DIAPH2: variants seen among roughly 807,000 people sequenced by gnomAD.
DIAPH2 encodes the protein protein diaphanous homolog 2.
In DIAPH2, 35 loss-of-function variants were observed where a neutral mutation model predicts 92.7. That is an observed-to-expected ratio of 0.38 (90% confidence interval 0.29 to 0.50). The LOEUF is 0.50. Among genes scored for constraint, DIAPH2 ranks in the 20% least tolerant of loss-of-function variants. The probability of loss-of-function intolerance (pLI) is 0.94; values close to 1 mark genes in which losing one functional copy is unlikely to be tolerated. For synonymous variants in DIAPH2, 301 were observed against 280.4 expected (o/e 1.07, Z -0.73); for missense variants, 701 against 819.5 (o/e 0.86, Z 1.77).
intron 25 of DIAPH2, among the ~76,000 whole-genome samples, chrX:97,411,353 T>C (rs2069870807): frequency 9.0e-6 from 1 of 111,690 alleles, no homozygotes; most frequent in Non-Finnish European, 1.9e-5. Context: ...AAACAAATGC[T>C]GAGAGATTGT....
chrX:97,294,267 C>T (rs771712363), intron 23 of DIAPH2, among the ~76,000 whole-genome samples: 8 of 111,908 alleles, frequency 7.1e-5, no homozygotes, highest in African/African-American at 9.7e-5. Flanking sequence ...CTGCCCAGTG[C>T]CAGCCTATCT....
chrX:97,542,855 G>A (rs1041623500), intron 26 of DIAPH2, among the ~76,000 whole-genome samples: 1 of 111,512 alleles, frequency 9.0e-6, no homozygotes, highest in Non-Finnish European at 1.9e-5. Context: ...AACGACAAGG[G>A]AGTGTTTTCT....
At chrX:96,830,917 C>T (rs993479766) in intron 4 of DIAPH2, among the ~76,000 whole-genome samples, 2 of 111,255 alleles carry the variant, frequency 1.8e-5, no homozygotes, top group Admixed American at 9.6e-5. Flanking sequence ...CCAGCAGTTC[C>T]AGTTCTTGGC....
intron 26 of DIAPH2, among the ~76,000 whole-genome samples, chrX:97,597,512 G>A (rs989401892): frequency 4.5e-5 from 5 of 111,477 alleles, no homozygotes; most frequent in Admixed American, 9.5e-5. Context: ...AAGTGTGGAT[G>A]CCTGTTGACC....
chrX:96,776,909 ATTG>A (rs1182510334), intron 4 of DIAPH2, among the ~76,000 whole-genome samples: 2 of 111,905 alleles, frequency 1.8e-5, no homozygotes, highest in African/African-American at 6.5e-5. Context: ...TACATAAACT[ATTG>A]TTAGTAATTT....
chrX:97,287,193 C>T (rs959468645), intron 23 of DIAPH2, among the ~76,000 whole-genome samples: 3 of 110,766 alleles, frequency 2.7e-5, no homozygotes, highest in Non-Finnish European at 3.8e-5. Flanking sequence ...CCTGTAATCC[C>T]GGCTATTTAT....
At chrX:97,387,616 A>G (rs2069614685) in intron 25 of DIAPH2, among the ~76,000 whole-genome samples, 1 of 112,085 alleles carries the variant, frequency 8.9e-6, no homozygotes, top group African/African-American at 3.2e-5. Context: ...CGCTTTACCC[A>G]AAGTTCACTG....
intron 4 of DIAPH2, among the ~76,000 whole-genome samples, chrX:96,853,699 A>G (rs1027754938): frequency 1.6e-4 from 18 of 112,164 alleles, no homozygotes; most frequent in Non-Finnish European, 2.8e-4. Flanking sequence ...TTTCTTAAGC[A>G]TTATGAATAT....
chrX:97,514,530 C>T (rs2070925382), intron 26 of DIAPH2, among the ~76,000 whole-genome samples: 1 of 112,348 alleles, frequency 8.9e-6, no homozygotes, highest in South Asian at 3.7e-4. Context: ...ATTCTCCGTC[C>T]AGCTTTGTTC....
At chrX:97,540,109 G>A (rs1404137488) in intron 26 of DIAPH2, among the ~76,000 whole-genome samples, 1 of 111,364 alleles carries the variant, frequency 9.0e-6, no homozygotes, top group African/African-American at 3.3e-5. Context: ...TAAAGACAAT[G>A]CTTGTCTTCT....
chrX:97,317,057 T>C (rs955698885), intron 23 of DIAPH2, among the ~76,000 whole-genome samples: 1 of 112,511 alleles, frequency 8.9e-6, no homozygotes, highest in African/African-American at 3.2e-5. Context: ...TTCTATTATT[T>C]TCTGAAAAGT....
chrX:97,578,623 A>G (rs1306878860), intron 26 of DIAPH2, among the ~76,000 whole-genome samples: 4 of 83,927 alleles, frequency 4.8e-5, no homozygotes, highest in Non-Finnish European at 9.3e-5. Context: ...TAATGCTGCA[A>G]TAAACATACG....
intron 26 of DIAPH2, among the ~76,000 whole-genome samples, chrX:97,547,239 G>A: frequency 9.0e-6 from 1 of 111,510 alleles, no homozygotes; most frequent in East Asian, 2.8e-4. Flanking sequence ...CCACCACTCA[G>A]ACTGATGGTA....
Position 97,355,545 on chromosome X carries a change from G to A in DIAPH2, c.3009+7265G>A, listed in dbSNP as rs142215215. On this transcript the variant is annotated intron_variant, in intron 24 of 26. Coordinates refer to ENST00000324765, the MANE Select transcript of DIAPH2 (RefSeq NM_006729.5). The stretch of plus-strand genomic sequence containing the variant: ...CATCATCCAGAAATTTCTATTAGAT[G>A]CCTCATAAGTTGGTGCCTCTTTGCT... Among the ~76,000 whole-genome samples, 783 of 111,239 alleles carry A rather than the reference G, an allele frequency of 7.0e-3. 12 individuals are homozygous for A. Among genetic ancestry groups the A allele is most frequent in the African/African-American group, 0.024 (744 of 30,652 alleles).
chrX:96,686,525 T>C, intron 1 of DIAPH2, among the ~76,000 whole-genome samples: 1 of 112,069 alleles, frequency 8.9e-6, no homozygotes, highest in East Asian at 2.8e-4. Flanking sequence ...TATGAGATCG[T>C]ATCATTTTCA....
intron 23 of DIAPH2, among the ~76,000 whole-genome samples, chrX:97,255,774 T>C (rs954468380): frequency 1.2e-4 from 14 of 112,123 alleles, no homozygotes; most frequent in African/African-American, 4.5e-4. Flanking sequence ...GATTTTAAGA[T>C]AGAAATCACA....
intron 24 of DIAPH2, among the ~76,000 whole-genome samples, chrX:97,372,849 C>T (rs953823891): frequency 9.0e-6 from 1 of 110,562 alleles, no homozygotes; most frequent in African/African-American, 3.3e-5. Context: ...TGGTGTCGCA[C>T]GCCTGTAGTC....
At chrX:97,270,130 T>C (rs754026286) in intron 23 of DIAPH2, among the ~76,000 whole-genome samples, 2 of 111,099 alleles carry the variant, frequency 1.8e-5, no homozygotes, top group Non-Finnish European at 3.8e-5. Context: ...GGTTTTTCCA[T>C]GTTGGTCAGG....
At chrX:97,082,740 G>A (rs1325617610) in intron 19 of DIAPH2, among the ~76,000 whole-genome samples, 6 of 111,707 alleles carry the variant, frequency 5.4e-5, no homozygotes, top group Admixed American at 4.7e-4. Context: ...GAAAAGCAAG[G>A]TTATACCATA....
Sources: allele counts gnomAD v4.1 joint callset (sites outside exome capture counted in the v4.1 genomes callset), GRCh38; gene constraint gnomAD v4.1.1; transcripts MANE v1.5; gene names NCBI Gene and HGNC (gene_info 2026-07-23, HGNC 2026-07-21).